Variants in PDSS2 observed in about 807,000 individuals in gnomAD.
The protein encoded by PDSS2 is decaprenyl diphosphate synthase subunit 2.
PDSS2 carries 31 observed loss-of-function variants against 44.5 expected under a neutral mutation model. The observed-to-expected ratio is 0.70, with a 90% CI of 0.52 to 0.94. The LOEUF (loss-of-function observed/expected upper bound fraction) is 0.94. Ranked by LOEUF, PDSS2 falls within the 40% of genes least tolerant of loss-of-function variation. PDSS2 has a pLI of 0.00. For missense variants in PDSS2, 452 were observed against 482.2 expected (o/e 0.94, Z 0.59); for synonymous variants, 157 against 180.3 (o/e 0.87, Z 1.03).
chr6:107,188,097 C>T (rs1419143931), intron 7 of PDSS2, among the ~76,000 whole-genome samples: 4 of 152,124 alleles, frequency 2.6e-5, no homozygotes, highest in African/African-American at 9.7e-5. Flanking sequence ...CAAATAAAGG[C>T]TGGGTGAGGT....
intron 4 of PDSS2, among the ~76,000 whole-genome samples, chr6:107,240,157 CAACACTTTGGG>C (rs1179913054): frequency 6.6e-6 from 1 of 151,922 alleles, no homozygotes; most frequent in African/African-American, 2.4e-5. Context: ...TCTGTAATCC[CAACACTTTGGG>C]AGGCTGAGGA....
chr6:107,455,529 G>A (rs1202107672), intron 1 of PDSS2, among the ~76,000 whole-genome samples: 3 of 151,926 alleles, frequency 2.0e-5, no homozygotes, highest in Non-Finnish European at 4.4e-5. Flanking sequence ...GCGGAGGTGG[G>A]CAGATCATGA....
At chr6:107,329,390 G>C (rs1777645117) in intron 2 of PDSS2, among the ~76,000 whole-genome samples, 1 of 152,142 alleles carries the variant, frequency 6.6e-6, no homozygotes, top group South Asian at 2.1e-4. Flanking sequence ...GCCCTTCACA[G>C]TGTGACTTCA....
intron 7 of PDSS2, among the ~76,000 whole-genome samples, chr6:107,180,654 A>G (rs1255350966): frequency 6.6e-6 from 1 of 152,154 alleles, no homozygotes; most frequent in African/African-American, 2.4e-5. Flanking sequence ...TACCGTCAAG[A>G]ACTGGTCTTC....
chr6:107,323,750 T>C (rs146831816), intron 2 of PDSS2, among the ~76,000 whole-genome samples: 7 of 152,348 alleles, frequency 4.6e-5, no homozygotes, highest in Admixed American at 1.3e-4. Context: ...GTTTAAAATG[T>C]AGAATTAGTC....
intron 2 of PDSS2, among the ~76,000 whole-genome samples, chr6:107,318,430 G>T (rs1777272285): frequency 6.6e-6 from 1 of 151,686 alleles, no homozygotes; most frequent in African/African-American, 2.4e-5. Context: ...TATGAAAACA[G>T]AACAAATTGT....
chr6:107,370,556 AG>A (rs1779100243), intron 1 of PDSS2, among the ~76,000 whole-genome samples: 1 of 152,262 alleles, frequency 6.6e-6, no homozygotes, highest in Non-Finnish European at 1.5e-5. Context: ...CTGAATTTTA[AG>A]CCTGCTATTT....
At chr6:107,274,755 C>T (rs1361753713) in intron 2 of PDSS2, among the ~76,000 whole-genome samples, 1 of 150,026 alleles carries the variant, frequency 6.7e-6, no homozygotes, top group African/African-American at 2.4e-5. Flanking sequence ...CCACTGCAAC[C>T]TCCACCTCCC....
chr6:107,240,578 AG>A (rs1296218369), intron 4 of PDSS2, among the ~76,000 whole-genome samples: 2 of 151,736 alleles, frequency 1.3e-5, no homozygotes, highest in Non-Finnish European at 2.9e-5. Flanking sequence ...TTGTATTTTT[AG>A]TACAGATGGA....
At chr6:107,445,037 T>C (rs920266354) in intron 1 of PDSS2, among the ~76,000 whole-genome samples, 9 of 152,142 alleles carry the variant, frequency 5.9e-5, no homozygotes, top group Non-Finnish European at 1.3e-4. Context: ...GAATCATCTA[T>C]GTTTTAGAAA....
At chr6:107,377,689 T>C (rs1583011060) in intron 1 of PDSS2, among the ~76,000 whole-genome samples, 1 of 152,080 alleles carries the variant, frequency 6.6e-6, no homozygotes. Flanking sequence ...ATATACACCA[T>C]GGAATACTAT....
At chr6:107,262,799 T>G (rs1174399086) in intron 3 of PDSS2, among the ~76,000 whole-genome samples, 1 of 151,420 alleles carries the variant, frequency 6.6e-6, no homozygotes, top group African/African-American at 2.4e-5. Context: ...AAAGGAAACT[T>G]GGCTGGGCAC....
At position 107,245,582 on chromosome 6, in the gene PDSS2, A is replaced by C. The variant is rs1331696389; in HGVS notation, c.668T>G (p.Val223Gly). 6.3e-7 allele frequency: 1 copy of C among 1,596,258 alleles called. No homozygotes were observed. Among genetic ancestry groups the C allele is most frequent in the African/African-American group, 1.3e-5 (1 of 74,614 alleles). ...ELLASALMDL[V>G]QGVYHENSTS... ...AGAATTTTCATGATATACTCCTTGT[A>C]CCAAGTCCATAAGAGCACTTGCTAA... Residue 223 changes from valine to glycine, a missense_variant, in exon 4 of 8, where the codon GTA becomes GGA. Coordinates refer to ENST00000369037, the MANE Select transcript of PDSS2 (RefSeq NM_020381.4).
At chr6:107,177,659 A>G (rs1324344940) in intron 7 of PDSS2, among the ~76,000 whole-genome samples, 1 of 152,200 alleles carries the variant, frequency 6.6e-6, no homozygotes, top group Non-Finnish European at 1.5e-5. Flanking sequence ...TCATATTCCA[A>G]AGAGAAACTT....
chr6:107,342,202 A>AG (rs1778102472), intron 1 of PDSS2, among the ~76,000 whole-genome samples: 1 of 151,468 alleles, frequency 6.6e-6, no homozygotes. Flanking sequence ...AAAAAAAAAA[A>AG]TTAAAGATGA....
At chr6:107,458,864 G>A (rs1782144410) in intron 1 of PDSS2, 126 bp downstream of exon 1, 8 of 815,924 alleles carry the variant, frequency 9.8e-6, no homozygotes, top group South Asian at 1.6e-5. Context: ...GGAGGAGTGA[G>A]TAAAAAGGAA....
intron 6 of PDSS2, among the ~76,000 whole-genome samples, chr6:107,202,585 A>G (rs1337194308): frequency 2.6e-5 from 4 of 152,142 alleles, no homozygotes; most frequent in African/African-American, 9.7e-5. Context: ...AGCAGAATAT[A>G]AAGGAACAGG....
intron 1 of PDSS2, among the ~76,000 whole-genome samples, chr6:107,389,173 T>C (rs1936930833): frequency 6.6e-6 from 1 of 152,166 alleles, no homozygotes; most frequent in Admixed American, 6.5e-5. Flanking sequence ...CACTGGGTAT[T>C]TGGCAAAACC....
chr6:107,331,927 T>G (rs1044408300), intron 2 of PDSS2, among the ~76,000 whole-genome samples: 14 of 151,928 alleles, frequency 9.2e-5, no homozygotes, highest in African/African-American at 3.4e-4. Context: ...GTCAGCAGAC[T>G]GAAAATCAAT....
Sources: allele counts gnomAD v4.1 joint callset (sites outside exome capture counted in the v4.1 genomes callset), GRCh38; gene constraint gnomAD v4.1.1; transcripts MANE v1.5; gene names NCBI Gene and HGNC (gene_info 2026-07-23, HGNC 2026-07-21).